The following SETD1B variants were observed in gnomAD, a reference collection of about 807,000 sequenced individuals.
SETD1B encodes SET domain containing 1B, histone lysine methyltransferase.
SETD1B carries 7 observed loss-of-function variants against 148.0 expected under a neutral mutation model. The observed-to-expected ratio is 0.05, with a 90% CI of 0.03 to 0.09. SETD1B has a LOEUF of 0.09. Among genes scored for constraint, SETD1B ranks in the 10% least tolerant of loss-of-function variants. The probability of loss-of-function intolerance (pLI) is 1.00; values close to 1 mark genes in which losing one functional copy is unlikely to be tolerated. For synonymous variants in SETD1B, 1,361 were observed against 1,186.5 expected (o/e 1.15, Z -3.02); for missense variants, 2,155 against 2,729.9 (o/e 0.79, Z 4.69).
In SETD1B at chr12:121,817,251, G is replaced by C; in HGVS notation, c.2934G>C (p.Gln978His). ...EPPDTTSSGD[Q>H]KRLRPSTSVD... ...CAGACACCACCTCATCTGGCGACCA[G>C]AAGCGGCTGCGGCCCTCGACCTCTG... Residue 978 changes from glutamine to histidine, a missense_variant, in exon 8 of 17, where the codon CAG becomes CAC. Coordinates refer to ENST00000604567, the MANE Select transcript of SETD1B (RefSeq NM_001353345.2). This position sits in a 1 kb window ranked among gnomAD's most constrained non-coding sequence, Gnocchi z 8.1. 1 of 1,551,088 alleles carries C rather than the reference G, an allele frequency of 6.4e-7. No individual in the cohort carries two copies. Among genetic ancestry groups the C allele is most frequent in the Non-Finnish European group, 8.7e-7 (1 of 1,146,958 alleles).
chr12:121,801,671 AT>A (rs1226443918), upstream of SETD1B: 3 of 152,438 alleles, frequency 2.0e-5, no homozygotes, highest in African/African-American at 4.8e-5. Context: ...TAGTTGGGAA[AT>A]TTGGGGGTTA....
At chr12:121,815,584 A>G (rs2137563289) in intron 7 of SETD1B, among the ~76,000 whole-genome samples, 1 of 151,920 alleles carries the variant, frequency 6.6e-6, no homozygotes, top group Admixed American at 6.6e-5. Flanking sequence ...ATCATAGCTC[A>G]CTGCACCCTC....
At chr12:121,829,891 A>C (rs1304448232) in intron 16 of SETD1B, among the ~76,000 whole-genome samples, 175 bp from the exon 17 acceptor site, 1 of 151,964 alleles carries the variant, frequency 6.6e-6, no homozygotes, top group Non-Finnish European at 1.5e-5. Context: ...TTAATATCAG[A>C]GGCAAGGGGT....
In SETD1B at chr12:121,823,682, C is replaced by G; in HGVS notation, c.5103C>G (p.Tyr1701Ter). The G allele has an allele frequency of 6.4e-7, 1 of 1,551,590 alleles. No individual in the cohort carries two copies. Residue 1701 changes from tyrosine to a stop codon, truncating the protein, a stop_gained, in exon 12 of 17, where the codon TAC (tyrosine) becomes TAG (stop). Coordinates refer to ENST00000604567, the MANE Select transcript of SETD1B (RefSeq NM_001353345.2). LOFTEE classifies it high-confidence loss of function. ...ACATCCGCTTCCTGTGTGTCACCTA[C>G]GAGCGACTGCTACAGCAGGACAATG... is the stretch of plus-strand genomic sequence containing the variant. ...EEDIRFLCVTYERLLQQDNGM... is the reference protein window; with the variant it reads ...EEDIRFLCVT
At chr12:121,826,690 G>A (rs753877718) in intron 13 of SETD1B, among the ~76,000 whole-genome samples, 2 of 152,136 alleles carry the variant, frequency 1.3e-5, no homozygotes, top group African/African-American at 2.4e-5. Flanking sequence ...AGGGCAGACT[G>A]TTCGGGTTGC....
Position 121,828,483 on chromosome 12 carries a change from CAT to C in SETD1B, c.5727+414_5727+415del, listed in dbSNP as rs148022050. Among the ~76,000 whole-genome samples, 213 of 152,358 alleles carry C rather than the reference CAT, an allele frequency of 1.4e-3. 2 individuals are homozygous for C. Among genetic ancestry groups the C allele is most frequent in the African/African-American group, 4.2e-3 (173 of 41,578 alleles). ...GTGCATCTGTGCTGTGGGTTAGCCA[CAT>C]GTGTGGTGGTGAGCACTGGAAATGT... On this transcript the variant is annotated intron_variant, in intron 16 of 16. Transcript: ENST00000604567.
chr12:121,828,166 C>A, intron 16 of SETD1B, 96 bp downstream of exon 16: 1 of 1,468,594 alleles, frequency 6.8e-7, no homozygotes, highest in Non-Finnish European at 9.1e-7. Context: ...CGGGAATCAG[C>A]TCGGCCTCCT....
Position 121,810,751 on chromosome 12 carries a change from C to T in SETD1B, c.1806C>T (p.Asp602=), listed in dbSNP as rs1875994500. The change falls in exon 6 of 17, where the codon GAC becomes GAT. Residue 602 remains aspartate (D), a synonymous_variant. Transcript: ENST00000604567. The surrounding 1 kb of genome is among the most constrained non-coding windows in gnomAD (Gnocchi z 7.6). The stretch of plus-strand genomic sequence containing the variant: ...CTCCACCTGAGCCAGGCCCCCCGGA[C>T]CCTGCTGGGCTTCTGAGCCAGACAG... ...PRPPPEPGPP[D]PAGLLSQTAE... is the part of the protein sequence containing the mutation. 16 of 1,550,162 alleles carry T rather than the reference C, an allele frequency of 1.0e-5. No individual in the cohort carries two copies. The highest frequency in any genetic ancestry group is 5.5e-5 in the African/African-American group (4 of 73,036).
chr12:121,817,955 C>A lies in SETD1B; in HGVS notation c.3418+51C>A. The A allele has an allele frequency of 6.8e-7, 1 of 1,469,586 alleles. No homozygotes were observed. Among genetic ancestry groups the A allele is most frequent in the South Asian group, 1.4e-5 (1 of 73,772 alleles). 91.0% of individuals were successfully genotyped at this position (1,469,586 alleles called of 1,614,324 possible). A position where few individuals can be genotyped will look rare whatever the true frequency, so the allele number is the denominator to read the frequency against. ...GGCCCTCCCGGAGTCCCTCTTTCCC[C>A]GGGGCAGAGCCTGAGCAATTGTCAG... is the stretch of plus-strand genomic sequence containing the variant. On this transcript the variant is annotated intron_variant, in intron 10 of 16. Coordinates refer to ENST00000604567, the MANE Select transcript of SETD1B (RefSeq NM_001353345.2). The surrounding 1 kb of genome is among the most constrained non-coding windows in gnomAD (Gnocchi z 8.1).
upstream of SETD1B, chr12:121,803,920 G>C (rs1875547912): frequency 6.3e-6 from 1 of 157,636 alleles, no homozygotes. The surrounding 1 kb of genome is among the most constrained non-coding windows in gnomAD (Gnocchi z 4.7). Flanking sequence ...AGTGCCTGGG[G>C]AAGCGGCGAG....
Position 121,814,440 on chromosome 12 carries a change from T to C in SETD1B, c.2225T>C (p.Leu742Pro). 1 of 708,428 alleles carries C rather than the reference T, an allele frequency of 1.4e-6. No homozygotes were observed. The highest frequency in any genetic ancestry group is 2.0e-6 in the Non-Finnish European group (1 of 491,608). 43.9% of individuals were successfully genotyped at this position (708,428 alleles called of 1,614,324 possible). A position where few individuals can be genotyped will look rare whatever the true frequency, so the allele number is the denominator to read the frequency against. The change falls in exon 7 of 17, where the codon CTG becomes CCG. Residue 742 changes from leucine (L) to proline (P), a missense_variant. By Grantham distance (98) the Leu-to-Pro change is moderately conservative (BLOSUM62 -3). Coordinates refer to ENST00000604567, the MANE Select transcript of SETD1B (RefSeq NM_001353345.2). ...CCTGGAGTCCCGCCCCCACCCATCCTGCCACCACTGCCCCCCTTTCCGCCG... is the reference window on the plus strand; with the variant it reads ...CCTGGAGTCCCGCCCCCACCCATCCCGCCACCACTGCCCCCCTTTCCGCCG... ...APPGVPPPPI[L>P]PPLPPFPPGL...
In SETD1B at chr12:121,823,192, G is replaced by A. The variant is rs531727822; in HGVS notation, c.4613G>A (p.Arg1538Gln). The stretch of plus-strand genomic sequence containing the variant: ...CTCTCCTTGGATGGGCCCTTGGTCC[G>A]ACCACCAGCAGGGGCCGCCCTTGGA... ...SMLSLDGPLV[R>Q]PPAGAALGRE... Residue 1538 changes from arginine (R) to glutamine (Q), a missense_variant, in exon 12 of 17, where the codon CGA becomes CAA. This residue lies in a region of SETD1B where 862 missense variants were observed against 873.8 expected (regional missense o/e 0.99). Coordinates refer to ENST00000604567, the MANE Select transcript of SETD1B (RefSeq NM_001353345.2). 1.3e-4 allele frequency: 204 copies of A among 1,547,176 alleles called. No individual in the cohort carries two copies. Among genetic ancestry groups the A allele is most frequent in the African/African-American group, 8.3e-5 (6 of 72,578 alleles).
chr12:121,807,310 TG>T (rs1157765248), intron 4 of SETD1B, among the ~76,000 whole-genome samples: 2 of 151,344 alleles, frequency 1.3e-5, no homozygotes, highest in East Asian at 1.9e-4. Flanking sequence ...CTCTGGGGGT[TG>T]GGGGGGCAGT....
chr12:121,821,441 A>G (rs1876562735), intron 11 of SETD1B, among the ~76,000 whole-genome samples: 1 of 151,330 alleles, frequency 6.6e-6, no homozygotes, highest in Non-Finnish European at 1.5e-5. Flanking sequence ...TGTCTTAAAA[A>G]AAAAAAAAAA....
chr12:121,805,235 G>A lies in SETD1B; in HGVS notation c.273+19G>A. On this transcript the variant is annotated intron_variant, in intron 3 of 16. Coordinates refer to ENST00000604567, the MANE Select transcript of SETD1B (RefSeq NM_001353345.2). The surrounding 1 kb of genome is among the most constrained non-coding windows in gnomAD (Gnocchi z 4.2). ...ATTCAAGGTAGGACCCCTCCCCACT[G>A]CCCCGCCGTCCCTCCCCCACCTCCC... The A allele has an allele frequency of 6.6e-7, 1 of 1,524,158 alleles. No homozygotes were observed. The highest frequency in any genetic ancestry group is 8.9e-7 in the Non-Finnish European group (1 of 1,124,906). The allele number at this position is 1,524,158 out of a possible 1,614,324, so 94.4% of individuals were successfully genotyped here.
chr12:121,794,602 C>T, the SETD1B span, among the ~76,000 whole-genome samples: 1 of 152,116 alleles, frequency 6.6e-6, no homozygotes, highest in South Asian at 2.1e-4. Context: ...CCCAGGAATC[C>T]CCCCAACTCT....
intron 16 of SETD1B, 110 bp from the exon 17 acceptor site, chr12:121,829,956 C>T: frequency 1.0e-6 from 1 of 981,234 alleles, no homozygotes; most frequent in Non-Finnish European, 1.5e-6. Context: ...GGCTGGGGGT[C>T]ACGTGGCATG....
At chr12:121,823,805 C>A (rs1876705319) in intron 12 of SETD1B, 56 bp downstream of exon 12, 2 of 1,490,540 alleles carry the variant, frequency 1.3e-6, no homozygotes, top group South Asian at 2.6e-5. Flanking sequence ...AGTCCCTGCT[C>A]ACCTCTCTGG....
At position 121,809,981 on chromosome 12, in the gene SETD1B, T is replaced by C; in HGVS notation, c.1036T>C (p.Phe346Leu). 1 of 1,550,864 alleles carries C rather than the reference T, an allele frequency of 6.4e-7. No individual in the cohort carries two copies. Among genetic ancestry groups the C allele is most frequent in the Non-Finnish European group, 8.7e-7 (1 of 1,146,960 alleles). The change falls in exon 6 of 17, where the codon TTC becomes CTC. Residue 346 changes from phenylalanine to leucine, a missense_variant. Transcript: ENST00000604567. ...VTAVAGATAA[F>L]RGSSDLPFGA... ...TGCGGTGGCCGGGGCCACAGCCGCT[T>C]TCCGGGGTTCCTCGGACCTCCCGTT...
Sources: allele counts gnomAD v4.1 joint callset (sites outside exome capture counted in the v4.1 genomes callset), GRCh38; gene constraint gnomAD v4.1.1; regional missense constraint gnomAD v4.1.1; non-coding constraint Gnocchi (gnomAD v3.1); transcripts MANE v1.5; gene names NCBI Gene and HGNC (gene_info 2026-07-23, HGNC 2026-07-21).